The following ODF2 variants were observed in gnomAD, a reference collection of about 807,000 sequenced individuals.
ODF2 encodes outer dense fiber protein 2.
Under a neutral mutation model 110.2 loss-of-function variants are expected in ODF2, and 47 were observed. That is an observed-to-expected ratio of 0.43 (90% CI 0.34 to 0.54). ODF2 has a LOEUF of 0.54. ODF2 is among the 20% of genes least tolerant of loss of function. The probability of loss-of-function intolerance (pLI) is 0.03; values close to 1 mark genes in which losing one functional copy is unlikely to be tolerated. For synonymous variants in ODF2, 352 were observed against 397.7 expected (o/e 0.89, Z 1.37); for missense variants, 812 against 1,054.5 (o/e 0.77, Z 3.19).
chr9:128,466,088 A>T (rs1257027378), intron 4 of ODF2, among the ~76,000 whole-genome samples: 3 of 152,034 alleles, frequency 2.0e-5, no homozygotes, highest in Non-Finnish European at 4.4e-5. Flanking sequence ...GCAGGGAGCC[A>T]AGATCGCGCC....
intron 3 of ODF2, 156 bp from the exon 3 acceptor site, chr9:128,460,394 C>T: frequency 7.0e-7 from 1 of 1,429,184 alleles, no homozygotes; most frequent in Non-Finnish European, 9.3e-7. Flanking sequence ...ATACTCCCGC[C>T]TTACTCCCTG....
chr9:128,460,139 C>T (rs999264564), intron 3 of ODF2: 22 of 1,295,362 alleles, frequency 1.7e-5, no homozygotes, highest in East Asian at 5.5e-5. Flanking sequence ...GTGTTTCCCA[C>T]GCCAATCTGC....
chr9:128,488,654 C>T (rs567767874), intron 14 of ODF2, among the ~76,000 whole-genome samples: 28 of 152,336 alleles, frequency 1.8e-4, no homozygotes, highest in African/African-American at 6.3e-4. Context: ...GGCCCCTTCA[C>T]AGGCATTAAT....
At chr9:128,497,483 A>ATATATATATATG (rs1845856323) in intron 18 of ODF2, 1 of 117,862 alleles carries the variant, frequency 8.5e-6, no homozygotes, top group Non-Finnish European at 1.8e-5. Context: ...ATATATATAT[A>ATATATATATATG]TATGTATAAA....
intron 3 of ODF2, 158 bp from the exon 3 acceptor site, chr9:128,460,392 G>C: frequency 7.0e-7 from 1 of 1,422,838 alleles, no homozygotes; most frequent in East Asian, 2.6e-5. Context: ...TGATACTCCC[G>C]CCTTACTCCC....
chr9:128,495,767 GTCTC>G (rs1789667552), intron 17 of ODF2, among the ~76,000 whole-genome samples: 1 of 152,168 alleles, frequency 6.6e-6, no homozygotes, highest in Non-Finnish European at 1.5e-5. Context: ...TCCTAGCTGG[GTCTC>G]TCTGAGTGGC....
chr9:128,457,272 C>T, exon 2 of ODF2: 1 of 1,601,716 alleles, frequency 6.2e-7, no homozygotes, highest in Non-Finnish European at 8.5e-7. Flanking sequence ...CCAAAGCTTC[C>T]ACCCTTCTCC....
At chr9:128,455,788 G>C (rs1191642921), upstream of ODF2, among the ~76,000 whole-genome samples, 3 of 152,094 alleles carry the variant, frequency 2.0e-5, no homozygotes, top group Non-Finnish European at 2.9e-5. Context: ...CTAGTTCCAT[G>C]GGTCCTCTGT....
intron 5 of ODF2, 33 bp downstream of exon 5, chr9:128,469,386 C>A (rs757597542): frequency 1.2e-6 from 2 of 1,609,560 alleles, no homozygotes; most frequent in African/African-American, 1.3e-5. Flanking sequence ...ATAGCTACTA[C>A]CCTGAGGATG....
At position 128,461,077 on chromosome 9, in the gene ODF2, C is replaced by A. The variant is rs1298212621; in HGVS notation, c.249+10C>A. 1.2e-6 allele frequency: 2 copies of A among 1,613,500 alleles called. No individual in the cohort carries two copies. The highest frequency in any genetic ancestry group is 3.3e-5 in the Admixed American group (2 of 59,846). The stretch of plus-strand genomic sequence containing the variant: ...GGGATGCAAGTGGGAGGTAGGCTCA[C>A]CCTTGCCCAGGCTTTTCTTCTCGGA... On this transcript the variant is annotated intron_variant, in intron 4 of 20. Coordinates refer to ENST00000604420, the Ensembl canonical transcript of ODF2.
intron 4 of ODF2, among the ~76,000 whole-genome samples, chr9:128,465,137 G>C (rs1837511974): frequency 6.6e-6 from 1 of 152,116 alleles, no homozygotes; most frequent in Admixed American, 6.6e-5. Context: ...GAGGTGGAAG[G>C]TCCCAGAGAG....
intron 4 of ODF2, among the ~76,000 whole-genome samples, chr9:128,466,389 C>A (rs2131601871): frequency 6.6e-6 from 1 of 151,614 alleles, no homozygotes; most frequent in East Asian, 1.9e-4. Context: ...ATGGGTTGAG[C>A]CTGGGAGGCA....
chr9:128,482,333 C>T (rs1210737789), intron 9 of ODF2, among the ~76,000 whole-genome samples: 5 of 152,174 alleles, frequency 3.3e-5, no homozygotes, highest in African/African-American at 1.2e-4. Context: ...ATGTGCATTC[C>T]CAGCTCAAGA....
intron 8 of ODF2, among the ~76,000 whole-genome samples, chr9:128,478,095 C>G (rs1841699745): frequency 6.6e-6 from 1 of 152,086 alleles, no homozygotes; most frequent in South Asian, 2.1e-4. Flanking sequence ...CTCCTGGGTT[C>G]AAGCGATTCT....
exon 5 of ODF2, chr9:128,469,185 T>A: frequency 1.2e-6 from 2 of 1,613,804 alleles, no homozygotes; most frequent in Non-Finnish European, 1.7e-6. Context: ...TACATCAGAA[T>A]CCACCTCATT....
intron 11 of ODF2, 45 bp from the exon 12 acceptor site, chr9:128,484,656 C>G: frequency 6.5e-6 from 10 of 1,546,580 alleles, no homozygotes; most frequent in Non-Finnish European, 7.9e-6. Flanking sequence ...CCACAACCTC[C>G]TTGTCTCTCT....
intron 6 of ODF2, among the ~76,000 whole-genome samples, chr9:128,471,846 TGA>T (rs1206034999): frequency 2.6e-5 from 4 of 151,930 alleles, no homozygotes; most frequent in African/African-American, 9.7e-5. Flanking sequence ...TGTTTGTAGC[TGA>T]GAAATGGAAG....
At chr9:128,500,790 G>T (rs1846366220), downstream of ODF2, 1 of 152,274 alleles carries the variant, frequency 6.6e-6, no homozygotes, top group Non-Finnish European at 1.5e-5. Context: ...GAGGCCACTT[G>T]CCCCCAAGCA....
rs943381123 is a variant in ODF2 at position 128,485,964 on chromosome 9, G to C, written c.1400+490G>C. On this transcript the variant is annotated intron_variant, in intron 13 of 20. Transcript: ENST00000604420. The surrounding 1 kb of genome is among the most constrained non-coding windows in gnomAD (Gnocchi z 5.0). ...AAGTGGCCTCAATTTGCAAGTGACT[G>C]AGCTGACACCTTTCTTGCCACTGGC... Among the ~76,000 whole-genome samples the C allele has an allele frequency of 6.6e-6, 1 of 152,132 alleles. No individual in the cohort carries two copies.
Sources: allele counts gnomAD v4.1 joint callset (sites outside exome capture counted in the v4.1 genomes callset), GRCh38; gene constraint gnomAD v4.1.1; non-coding constraint Gnocchi (gnomAD v3.1); transcripts MANE v1.5; gene names NCBI Gene and HGNC (gene_info 2026-07-23, HGNC 2026-07-21).